The following RAPGEF1 variants were observed in gnomAD, a reference collection of about 807,000 sequenced individuals.
RAPGEF1 encodes Rap guanine nucleotide exchange factor 1, also known as CRK SH3-binding GNRP.
In RAPGEF1, 33 loss-of-function variants were observed where a neutral mutation model predicts 143.3. The ratio of observed to expected loss-of-function variants is 0.23; its 90% confidence interval spans 0.17 to 0.31. The LOEUF (loss-of-function observed/expected upper bound fraction) is 0.31, where lower values mean the gene tolerates loss of function less well. RAPGEF1 is among the 10% of genes least tolerant of loss of function. The probability of loss-of-function intolerance (pLI) is 1.00; values close to 1 mark genes in which losing one functional copy is unlikely to be tolerated. For missense variants in RAPGEF1, 1,199 were observed against 1,645.4 expected, an observed-to-expected ratio of 0.73 and a Z score of 4.69; for synonymous variants, 629 against 676.5, an observed-to-expected ratio of 0.93 and a Z score of 1.09.
chr9:131,689,479 G>A (rs1361868528), intron 1 of RAPGEF1, among the ~76,000 whole-genome samples: 1 of 152,096 alleles, frequency 6.6e-6, no homozygotes, highest in African/African-American at 2.4e-5. Context: ...GAATGTAAAG[G>A]GGATAAAGGT....
intron 17 of RAPGEF1, 27 bp downstream of exon 17, chr9:131,596,271 A>G (rs373940921): frequency 3.2e-5 from 51 of 1,611,400 alleles, no homozygotes; most frequent in Non-Finnish European, 4.1e-5. Context: ...GACCAGCCCC[A>G]ATCTAGTGAG....
At chr9:131,662,166 T>G (rs1588874980) in intron 1 of RAPGEF1, among the ~76,000 whole-genome samples, 2 of 152,264 alleles carry the variant, frequency 1.3e-5, no homozygotes, top group East Asian at 3.9e-4. Flanking sequence ...GCACCAGCCA[T>G]TCTCTCCTCT....
At chr9:131,598,650 G>T (rs878914432) in intron 15 of RAPGEF1, 3 of 449,238 alleles carry the variant, frequency 6.7e-6, no homozygotes, top group Non-Finnish European at 1.3e-5. Context: ...GAGCTAAGGG[G>T]CAAGCAGAAT....
intron 1 of RAPGEF1, among the ~76,000 whole-genome samples, chr9:131,715,850 C>A (rs538138448): frequency 3.7e-4 from 50 of 134,796 alleles, no homozygotes; most frequent in Non-Finnish European, 5.7e-4. Context: ...GGTGACAGAG[C>A]GAGACTCCCT....
intron 1 of RAPGEF1, among the ~76,000 whole-genome samples, chr9:131,682,993 A>G (rs936369889): frequency 6.6e-6 from 1 of 152,212 alleles, no homozygotes; most frequent in African/African-American, 2.4e-5. Context: ...TCAACCAATT[A>G]TAACTTCTGT....
chr9:131,649,190 G>A (rs1410871924), intron 3 of RAPGEF1, among the ~76,000 whole-genome samples: 1 of 143,992 alleles, frequency 6.9e-6, no homozygotes, highest in African/African-American at 2.6e-5. Context: ...CTGCCACTAT[G>A]CCTGGCTAAA....
chr9:131,722,950 T>C (rs1836374966), intron 1 of RAPGEF1, among the ~76,000 whole-genome samples: 2 of 152,220 alleles, frequency 1.3e-5, no homozygotes, highest in African/African-American at 2.4e-5. Flanking sequence ...TCCCAGCACT[T>C]TGGGAGGCTG....
In RAPGEF1 at chr9:131,649,514, C is replaced by T. The variant is rs745826480; in HGVS notation, c.315+615G>A. 9.9e-5 allele frequency among the ~76,000 whole-genome samples: 15 copies of T among 152,094 alleles called. No homozygotes were observed. The South Asian group carries it at 1.0e-3, about 10-fold the overall frequency. ...TTGACTTTGCCACCTTTTTGCTGTG[C>T]GACTTTGGCTAAATGCTTAATATTT... On this transcript the variant is annotated intron_variant, in intron 3 of 26. Coordinates refer to ENST00000683357, the MANE Select transcript of RAPGEF1 (RefSeq NM_001377935.1).
intron 1 of RAPGEF1, among the ~76,000 whole-genome samples, chr9:131,676,841 TG>T (rs1000723713): frequency 3.2e-4 from 49 of 152,364 alleles, no homozygotes; most frequent in African/African-American, 1.2e-3. Context: ...AGTGTGGTCC[TG>T]AACCAACAAC....
intron 22 of RAPGEF1, among the ~76,000 whole-genome samples, chr9:131,586,257 A>ACACACAC (rs1952745410): frequency 5.5e-5 from 5 of 91,358 alleles, no homozygotes; most frequent in African/African-American, 1.0e-4. Flanking sequence ...CTCTGTCTCA[A>ACACACAC]ACACACACAC....
intron 1 of RAPGEF1, among the ~76,000 whole-genome samples, chr9:131,683,316 C>T (rs957907978): frequency 2.6e-5 from 4 of 152,200 alleles, no homozygotes; most frequent in African/African-American, 9.7e-5. Flanking sequence ...AAACTGGAGG[C>T]TTTAGAGAAA....
At chr9:131,594,414 C>T (rs554199626) in intron 17 of RAPGEF1, among the ~76,000 whole-genome samples, 32 of 152,332 alleles carry the variant, frequency 2.1e-4, no homozygotes, top group African/African-American at 7.7e-4. Context: ...GCTGACCTGA[C>T]CTTCTCCCAT....
intron 1 of RAPGEF1, among the ~76,000 whole-genome samples, chr9:131,738,257 T>G (rs1837547512): frequency 1.3e-5 from 2 of 151,076 alleles, no homozygotes; most frequent in African/African-American, 2.4e-5. Flanking sequence ...TATAATCTTA[T>G]ATATTATAAA....
chr9:131,668,246 CCT>C (rs1176829027), intron 1 of RAPGEF1, among the ~76,000 whole-genome samples: 1 of 152,188 alleles, frequency 6.6e-6, no homozygotes, highest in African/African-American at 2.4e-5. Context: ...GGAAGGGACG[CCT>C]CTGAGACTCA....
chr9:131,717,332 A>G (rs1835930558), intron 1 of RAPGEF1, among the ~76,000 whole-genome samples: 1 of 152,168 alleles, frequency 6.6e-6, no homozygotes, highest in Admixed American at 6.5e-5. Context: ...TGTCTCCCTT[A>G]AGAGGTGTGG....
At chr9:131,702,153 C>T (rs958241723) in intron 1 of RAPGEF1, among the ~76,000 whole-genome samples, 3 of 152,198 alleles carry the variant, frequency 2.0e-5, no homozygotes, top group Non-Finnish European at 2.9e-5. Context: ...ACAGAAGCAG[C>T]GAAGAGGGAT....
intron 22 of RAPGEF1, among the ~76,000 whole-genome samples, chr9:131,585,365 G>T (rs543544367): frequency 1.5e-4 from 22 of 148,842 alleles, no homozygotes; most frequent in Admixed American, 8.6e-4. Flanking sequence ...TTTTTGTAGG[G>T]GGGGGGCGTC....
chr9:131,663,255 T>G (rs561103187), intron 1 of RAPGEF1, among the ~76,000 whole-genome samples: 1 of 152,168 alleles, frequency 6.6e-6, no homozygotes, highest in African/African-American at 2.4e-5. Context: ...GAAACACACA[T>G]GCAAATTTAT....
intron 12 of RAPGEF1, among the ~76,000 whole-genome samples, chr9:131,607,037 G>T (rs1157562121): frequency 1.3e-5 from 2 of 152,118 alleles, no homozygotes; most frequent in African/African-American, 2.4e-5. Flanking sequence ...CCCCTTCCCG[G>T]CTGCACTGAC....
Sources: gnomAD v4.1 joint callset for allele counts (sites outside exome capture counted in the v4.1 genomes callset) on GRCh38, gnomAD v4.1.1 for gene constraint, MANE v1.5 for transcripts, NCBI Gene and HGNC (gene_info 2026-07-23, HGNC 2026-07-21) for gene names.